The following LRRC4C variants were observed in gnomAD, a reference collection of about 807,000 sequenced individuals.
LRRC4C encodes leucine rich repeat containing 4C, also known as leucine-rich repeat-containing protein 4C.
LRRC4C carries 5 observed loss-of-function variants against 33.6 expected under a neutral mutation model. The ratio of observed to expected loss-of-function variants is 0.15; its 90% confidence interval spans 0.08 to 0.31. The LOEUF (loss-of-function observed/expected upper bound fraction) is 0.31, where lower values mean the gene tolerates loss of function less well. LRRC4C is among the 10% of genes least tolerant of loss of function. The pLI, the probability that LRRC4C is intolerant of heterozygous loss-of-function variation, is 1.00. For synonymous variants in LRRC4C, 329 were observed against 302.0 expected (o/e 1.09, Z -0.93); for missense variants, 560 against 796.7 (o/e 0.70, Z 3.58).
chr11:40,478,198 G>A (rs1282024283), intron 3 of LRRC4C, among the ~76,000 whole-genome samples: 1 of 152,152 alleles, frequency 6.6e-6, no homozygotes, highest in Non-Finnish European at 1.5e-5. Flanking sequence ...CTGAGAAAAA[G>A]TCACTGGTTC....
chr11:41,330,576 T>C (rs1298600672), intron 1 of LRRC4C, among the ~76,000 whole-genome samples: 1 of 152,066 alleles, frequency 6.6e-6, no homozygotes, highest in Non-Finnish European at 1.5e-5. Context: ...AGATTGTTTT[T>C]TCTTCTTCCT....
rs187271368 is a variant in LRRC4C, at chr11:41,195,069, T to C, written c.-495-261346A>G. Among the ~76,000 whole-genome samples, 373 of 152,166 alleles carry C rather than the reference T, an allele frequency of 2.5e-3. 2 individuals carry two copies. The highest frequency in any genetic ancestry group is 8.5e-3 in the African/African-American group (354 of 41,556). ...GCTGTATATTTACCCATCTTACTATTGTGAAGTAGGCAGAGACCTGCTTCA... is the reference window on the plus strand; with the variant it reads ...GCTGTATATTTACCCATCTTACTATCGTGAAGTAGGCAGAGACCTGCTTCA... On this transcript the variant is annotated intron_variant, in intron 1 of 6. Coordinates refer to ENST00000528697, the MANE Select transcript of LRRC4C (RefSeq NM_001258419.2).
intron 1 of LRRC4C, among the ~76,000 whole-genome samples, chr11:41,389,830 G>A (rs935901164): frequency 6.6e-6 from 1 of 151,726 alleles, no homozygotes; most frequent in Non-Finnish European, 1.5e-5. Context: ...ACCATTGAAC[G>A]ATGCTGTGAA....
chr11:40,760,831 A>T (rs1949176328), intron 2 of LRRC4C, among the ~76,000 whole-genome samples: 1 of 146,590 alleles, frequency 6.8e-6, no homozygotes, highest in Non-Finnish European at 1.5e-5. Flanking sequence ...ACATATATTT[A>T]TATATATATA....
At chr11:41,281,098 T>TCA (rs71063911) in intron 1 of LRRC4C, among the ~76,000 whole-genome samples, 2 of 118,672 alleles carry the variant, frequency 1.7e-5, no homozygotes, top group Non-Finnish European at 3.7e-5. Context: ...TCTCTCTCTC[T>TCA]CTCTCTCACA....
intron 2 of LRRC4C, among the ~76,000 whole-genome samples, chr11:40,847,322 C>T (rs77595232): frequency 0.042 from 6,418 of 152,240 alleles, 292 homozygotes; most frequent in African/African-American, 0.11. Context: ...TACTTTCCAT[C>T]AATACCTAGT....
chr11:41,006,502 C>T (rs577177800), intron 1 of LRRC4C, among the ~76,000 whole-genome samples: 2 of 152,288 alleles, frequency 1.3e-5, no homozygotes, highest in South Asian at 2.1e-4. Context: ...AACTTTCAAG[C>T]AGATGTCATT....
rs531899820 is a variant in LRRC4C, at chr11:40,272,261, G to A, written c.-175-30663C>T. ...GGCCTTAAGAAAAACAAATACAAAG[G>A]TCATTCGCTAACTGTGGAATACTAT... is the stretch of plus-strand genomic sequence containing the variant. On this transcript the variant is annotated intron_variant, in intron 4 of 6. Coordinates refer to ENST00000528697, the MANE Select transcript of LRRC4C (RefSeq NM_001258419.2). 1.2e-4 allele frequency among the ~76,000 whole-genome samples: 19 copies of A among 152,152 alleles called. 1 individual carries two copies. The Middle Eastern group carries it at 0.01, about 82-fold the overall frequency.
rs905725062 is a variant in LRRC4C, at chr11:40,430,656, A to G, written c.-269-110935T>C. 3.9e-5 allele frequency among the ~76,000 whole-genome samples: 6 copies of G among 152,038 alleles called. No homozygotes were observed. In the East Asian group the frequency reaches 9.7e-4, roughly 24 times the overall value. ...AGAAATTTCTTTATACCTTTCTTCT[A>G]CATATATATATTTTTAATTGAAGTC... On this transcript the variant is annotated intron_variant, in intron 3 of 6. Coordinates refer to ENST00000528697, the MANE Select transcript of LRRC4C (RefSeq NM_001258419.2).
chr11:40,362,592 C>T (rs11824753), intron 3 of LRRC4C, among the ~76,000 whole-genome samples: 3,229 of 152,102 alleles, frequency 0.021, 101 homozygotes, highest in Admixed American at 0.073. Context: ...TGGTGGGGCA[C>T]GACTGTAGTT....
intron 2 of LRRC4C, among the ~76,000 whole-genome samples, chr11:40,825,356 C>T (rs908579960): frequency 1.3e-5 from 2 of 151,824 alleles, no homozygotes; most frequent in African/African-American, 4.8e-5. Flanking sequence ...AGGAGACTGC[C>T]CATTCTCGGT....
intron 2 of LRRC4C, among the ~76,000 whole-genome samples, chr11:40,895,321 T>A (rs1241637583): frequency 2.9e-5 from 4 of 135,770 alleles, no homozygotes; most frequent in Admixed American, 1.5e-4. Context: ...ATTTTAAATA[T>A]AATATGTTAA....
At chr11:40,659,167 G>T (rs975675790) in intron 2 of LRRC4C, among the ~76,000 whole-genome samples, 1 of 152,230 alleles carries the variant, frequency 6.6e-6, no homozygotes, top group Admixed American at 6.5e-5. Context: ...GCAGAGCAAA[G>T]TTGTGGCTGA....
At chr11:41,007,980 T>G (rs1479389181) in intron 1 of LRRC4C, among the ~76,000 whole-genome samples, 1 of 152,170 alleles carries the variant, frequency 6.6e-6, no homozygotes, top group Non-Finnish European at 1.5e-5. Context: ...CATATTCCAT[T>G]TTCTTTCATA....
intron 2 of LRRC4C, among the ~76,000 whole-genome samples, chr11:40,812,704 T>G (rs943339034): frequency 7.2e-5 from 11 of 151,876 alleles, no homozygotes; most frequent in African/African-American, 2.7e-4. Flanking sequence ...TACATCCCAG[T>G]ATAGAATTTA....
intron 3 of LRRC4C, among the ~76,000 whole-genome samples, chr11:40,389,498 T>A (rs9787847): frequency 0.39 from 59,402 of 151,720 alleles, 11,873 homozygotes; most frequent in East Asian, 0.49. Flanking sequence ...AAAACCATTA[T>A]TTTTTCACTA....
chr11:41,173,879 A>T (rs1945084077), intron 1 of LRRC4C, among the ~76,000 whole-genome samples: 1 of 152,190 alleles, frequency 6.6e-6, no homozygotes, highest in Non-Finnish European at 1.5e-5. Context: ...AATGAACAAA[A>T]TAAATATAAG....
chr11:41,325,566 G>GTTTTT lies in LRRC4C; in HGVS notation c.-496+133860_-496+133864dup, dbSNP rs71466927. Among the ~76,000 whole-genome samples, 351 of 106,420 alleles carry GTTTTT rather than the reference G, an allele frequency of 3.3e-3. 9 individuals carry two copies. The highest frequency in any genetic ancestry group is 0.013 in the African/African-American group (325 of 25,480). 69.8% of individuals were successfully genotyped at this position (106,420 alleles called of 152,430 possible). A position where few individuals can be genotyped will look rare whatever the true frequency, so the allele number is the denominator to read the frequency against. ...ATAAGGAAAAATTATTGTCCTTATA[G>GTTTTT]TTTTTTTTTTTTGTGTGTGTGTGTG... On this transcript the variant is annotated intron_variant, in intron 1 of 6. Coordinates refer to ENST00000528697, the MANE Select transcript of LRRC4C (RefSeq NM_001258419.2).
At chr11:40,213,186 G>C (rs554324505) in intron 5 of LRRC4C, among the ~76,000 whole-genome samples, 1 of 152,274 alleles carries the variant, frequency 6.6e-6, no homozygotes, top group African/African-American at 2.4e-5. Flanking sequence ...ATGTAGTACT[G>C]TTAGAGCAGC....
Sources: allele counts gnomAD v4.1 joint callset (sites outside exome capture counted in the v4.1 genomes callset), GRCh38; gene constraint gnomAD v4.1.1; transcripts MANE v1.5; gene names NCBI Gene and HGNC (gene_info 2026-07-23, HGNC 2026-07-21).